The following CLIC5 variants were observed in gnomAD, a reference collection of about 807,000 sequenced individuals.
The protein encoded by CLIC5 is chloride intracellular channel protein 5.
Under a neutral mutation model 24.7 loss-of-function variants are expected in CLIC5, and 20 were observed. That is an observed-to-expected ratio of 0.81 (90% CI 0.57 to 1.18). CLIC5 has a LOEUF of 1.18. CLIC5 is among the 50% of genes most tolerant of loss of function. CLIC5 has a pLI of 0.00. For synonymous variants in CLIC5, 159 were observed against 135.6 expected, an observed-to-expected ratio of 1.17 and a Z score of -1.20; for missense variants, 341 against 326.1, an observed-to-expected ratio of 1.05 and a Z score of -0.35.
the CLIC5 span, among the ~76,000 whole-genome samples, chr6:46,125,670 A>C: frequency 2.0e-5 from 3 of 152,106 alleles, no homozygotes; most frequent in Non-Finnish European, 4.4e-5. Context: ...CCAAGGATGG[A>C]GCTTCAGGTT....
At chr6:45,914,914 A>AATTT (rs967912196) in intron 4 of CLIC5, among the ~76,000 whole-genome samples, 14 of 151,700 alleles carry the variant, frequency 9.2e-5, no homozygotes, top group Admixed American at 9.2e-4. Context: ...AATACTAGCC[A>AATTT]ATTTATTTAT....
chr6:45,953,749 G>A (rs1233504802), intron 2 of CLIC5, among the ~76,000 whole-genome samples: 2 of 152,146 alleles, frequency 1.3e-5, no homozygotes, highest in Admixed American at 1.3e-4. Flanking sequence ...TAAAGGATGG[G>A]TCAGAGAGAG....
intron 1 of CLIC5, among the ~76,000 whole-genome samples, chr6:46,006,127 C>CATATATATATATATAT (rs58643121): frequency 1.0e-3 from 36 of 35,096 alleles, no homozygotes; most frequent in East Asian, 3.1e-3. Flanking sequence ...TGTATAAATA[C>CATATATATATATATAT]ATATATATAT....
chr6:45,993,328 C>G (rs1025747085), intron 1 of CLIC5, among the ~76,000 whole-genome samples: 2 of 152,276 alleles, frequency 1.3e-5, no homozygotes, highest in Non-Finnish European at 2.9e-5. Flanking sequence ...GAACCATTAG[C>G]ATGTTTAATA....
At chr6:45,964,344 C>G (rs1251813411) in intron 1 of CLIC5, among the ~76,000 whole-genome samples, 1 of 152,178 alleles carries the variant, frequency 6.6e-6, no homozygotes, top group Non-Finnish European at 1.5e-5. Flanking sequence ...TCCCGTATGT[C>G]CTTCATAACC....
the CLIC5 span, among the ~76,000 whole-genome samples, chr6:46,109,521 A>T: frequency 2.3e-5 from 1 of 43,362 alleles, no homozygotes; most frequent in African/African-American, 5.7e-5. Flanking sequence ...ACTAAAAAAA[A>T]AAAAAAAAAA....
intron 1 of CLIC5, among the ~76,000 whole-genome samples, chr6:46,065,012 C>T (rs1762402202): frequency 6.6e-6 from 1 of 152,052 alleles, no homozygotes. Flanking sequence ...TACTTATAAA[C>T]TATTTGCAAA....
At chr6:45,914,159 T>A in intron 5 of CLIC5, 69 bp downstream of exon 5, 4 of 1,341,362 alleles carry the variant, frequency 3.0e-6, no homozygotes, top group Non-Finnish European at 4.0e-6. Context: ...CCTTGACTCA[T>A]CCACACAGGT....
At chr6:46,059,898 T>C (rs1399781333) in intron 1 of CLIC5, among the ~76,000 whole-genome samples, 2 of 152,254 alleles carry the variant, frequency 1.3e-5, no homozygotes, top group Non-Finnish European at 2.9e-5. Context: ...CAGACCAATG[T>C]CCTAGAGATT....
chr6:46,059,337 G>C (rs367889156), intron 1 of CLIC5, among the ~76,000 whole-genome samples: 4 of 152,302 alleles, frequency 2.6e-5, no homozygotes, highest in South Asian at 4.1e-4. Flanking sequence ...GTATGTGTTA[G>C]GGTTTGCAAC....
At chr6:45,999,426 T>C (rs1766267764) in intron 1 of CLIC5, among the ~76,000 whole-genome samples, 1 of 152,184 alleles carries the variant, frequency 6.6e-6, no homozygotes, top group Non-Finnish European at 1.5e-5. Context: ...ACCTCAAATC[T>C]CAGGAGAAAA....
intron 1 of CLIC5, among the ~76,000 whole-genome samples, chr6:46,033,235 C>T (rs1047559684): frequency 2.0e-5 from 3 of 151,832 alleles, no homozygotes; most frequent in Admixed American, 6.6e-5. Context: ...GATCCGCCCG[C>T]CTCGGCCTCC....
intron 5 of CLIC5, among the ~76,000 whole-genome samples, chr6:45,909,890 G>A (rs1581720142): frequency 6.6e-6 from 1 of 152,268 alleles, no homozygotes; most frequent in South Asian, 2.1e-4. Flanking sequence ...ATTCAGAGAA[G>A]CCCCAGATCA....
chr6:45,970,364 G>GA (rs1295031147), intron 1 of CLIC5, among the ~76,000 whole-genome samples: 1 of 151,860 alleles, frequency 6.6e-6, no homozygotes, highest in South Asian at 2.1e-4. Flanking sequence ...TCTCAGCCTT[G>GA]AAAAAAAATC....
intron 4 of CLIC5, among the ~76,000 whole-genome samples, chr6:45,928,511 G>T (rs1278583993): frequency 6.6e-6 from 1 of 152,180 alleles, no homozygotes; most frequent in Non-Finnish European, 1.5e-5. Flanking sequence ...TAAACCAACT[G>T]TGATACTTTC....
Position 45,911,312 on chromosome 6 carries a change from G to C in CLIC5, c.588+2916C>G, listed in dbSNP as rs113211492. Among the ~76,000 whole-genome samples, 1,081 of 152,264 alleles carry C rather than the reference G, an allele frequency of 7.1e-3. 10 individuals are homozygous for C. Among genetic ancestry groups the C allele is most frequent in the African/African-American group, 0.024 (1,001 of 41,546 alleles). On this transcript the variant is annotated intron_variant, in intron 5 of 5. Transcript: ENST00000339561. ...AAAGAAGCCACCCCCACACTGTTCT[G>C]TCTGGCTTAGGTAACTACAAGCAAG... is the stretch of plus-strand genomic sequence containing the variant.
At chr6:46,074,673 G>A (rs554245751) in intron 1 of CLIC5, among the ~76,000 whole-genome samples, 1 of 152,306 alleles carries the variant, frequency 6.6e-6, no homozygotes, top group Non-Finnish European at 1.5e-5. Flanking sequence ...GGACAGGAGT[G>A]TTGTTCTTAT....
chr6:46,028,493 G>A (rs1562013040), intron 1 of CLIC5, among the ~76,000 whole-genome samples: 1 of 152,228 alleles, frequency 6.6e-6, no homozygotes, highest in Non-Finnish European at 1.5e-5. Context: ...ATTGTAATAT[G>A]AAAAGCTAAC....
chr6:45,958,437 T>TATATATATACACACACACACAC (rs1284230686), intron 1 of CLIC5, among the ~76,000 whole-genome samples: 1 of 7,770 alleles, frequency 1.3e-4, no homozygotes, highest in Non-Finnish European at 4.2e-4. Flanking sequence ...TATATATATA[T>TATATATATACACACACACACAC]ATATATATAT....
Sources: allele counts gnomAD v4.1 joint callset (sites outside exome capture counted in the v4.1 genomes callset), GRCh38; gene constraint gnomAD v4.1.1; transcripts MANE v1.5; gene names NCBI Gene and HGNC (gene_info 2026-07-23, HGNC 2026-07-21).